Variants in PSMD11 observed in about 807,000 individuals in gnomAD.
PSMD11 encodes 26S proteasome non-ATPase regulatory subunit 11.
PSMD11 carries 5 observed loss-of-function variants against 62.3 expected under a neutral mutation model. The ratio of observed to expected loss-of-function variants is 0.08; its 90% CI spans 0.04 to 0.17. PSMD11 has a LOEUF of 0.17. PSMD11 is among the 10% of genes least tolerant of loss of function. The pLI, the probability that PSMD11 is intolerant of heterozygous loss-of-function variation, is 1.00. For missense variants in PSMD11, 310 were observed against 512.9 expected, an observed-to-expected ratio of 0.60 and a Z score of 3.82; for synonymous variants, 191 against 191.8, an observed-to-expected ratio of 1.00 and a Z score of 0.03.
At chr17:32,478,236 A>T (rs545057714) in intron 9 of PSMD11, among the ~76,000 whole-genome samples, 2 of 152,340 alleles carry the variant, frequency 1.3e-5, no homozygotes, top group African/African-American at 4.8e-5. Flanking sequence ...ACTTAATAAA[A>T]ACAAAACCTA....
At chr17:32,480,027 C>G (rs1597845310) in intron 11 of PSMD11, 119 bp from the exon 12 acceptor site, 2 of 1,475,286 alleles carry the variant, frequency 1.4e-6, no homozygotes, top group East Asian at 4.5e-5. Context: ...GTAGGAGTTG[C>G]ATTGTTGCTA....
chr17:32,474,711 C>G, intron 7 of PSMD11, 53 bp from the exon 8 acceptor site: 1 of 1,572,432 alleles, frequency 6.4e-7, no homozygotes, highest in African/African-American at 1.3e-5. Flanking sequence ...CCCAAACCTT[C>G]CTTTAGAAGC....
At chr17:32,464,491 C>A (rs2302277) in intron 4 of PSMD11, 30 bp from the exon 5 acceptor site, 354 of 1,542,708 alleles carry the variant, frequency 2.3e-4, no homozygotes, top group Non-Finnish European at 2.9e-4. Flanking sequence ...TTTTCCCCCC[C>A]CTTCAATCAA....
intron 6 of PSMD11, among the ~76,000 whole-genome samples, chr17:32,473,283 T>C (rs1430200604): frequency 2.1e-5 from 3 of 143,368 alleles, no homozygotes; most frequent in Non-Finnish European, 3.1e-5. Flanking sequence ...TGCACCTGGC[T>C]TTTTTTTTTT....
intron 6 of PSMD11, among the ~76,000 whole-genome samples, chr17:32,472,348 G>C (rs1342375948): frequency 6.8e-6 from 1 of 147,500 alleles, no homozygotes; most frequent in Non-Finnish European, 1.5e-5. Flanking sequence ...TCAGCCACCT[G>C]AGTAGCTGGG....
chr17:32,453,436 T>G (rs1907562965), intron 2 of PSMD11, among the ~76,000 whole-genome samples: 2 of 152,172 alleles, frequency 1.3e-5, no homozygotes, highest in South Asian at 4.1e-4. Flanking sequence ...TTTTAAACAT[T>G]GGGAATCAAA....
At chr17:32,448,859 A>C (rs1043137630) in intron 2 of PSMD11, among the ~76,000 whole-genome samples, 8 of 152,230 alleles carry the variant, frequency 5.3e-5, no homozygotes, top group African/African-American at 1.9e-4. Flanking sequence ...CTTACTTCAG[A>C]GCCCATATAG....
intron 3 of PSMD11, among the ~76,000 whole-genome samples, chr17:32,459,139 T>G (rs1316231953): frequency 1.4e-5 from 2 of 142,860 alleles, no homozygotes; most frequent in African/African-American, 5.1e-5. Context: ...TATATATATA[T>G]GTATTTTTTT....
intron 5 of PSMD11, among the ~76,000 whole-genome samples, chr17:32,467,696 G>A (rs1908038026): frequency 6.6e-6 from 1 of 152,064 alleles, no homozygotes; most frequent in Admixed American, 6.5e-5. Context: ...ACTGCAGCCT[G>A]GAAATCCTGG....
At chr17:32,477,165 T>A (rs1180186728) in intron 8 of PSMD11, 1 of 208,426 alleles carries the variant, frequency 4.8e-6, no homozygotes, top group Admixed American at 5.6e-5. Flanking sequence ...AGAAGGAGTT[T>A]GGGTGGATGT....
At chr17:32,464,154 T>G in intron 4 of PSMD11, 34 bp downstream of exon 4, 1 of 1,559,820 alleles carries the variant, frequency 6.4e-7, no homozygotes, top group Non-Finnish European at 8.8e-7. Flanking sequence ...TTCAGGTCTC[T>G]AAGCATGAGA....
At chr17:32,460,993 T>G (rs1210168356) in intron 3 of PSMD11, among the ~76,000 whole-genome samples, 2 of 152,134 alleles carry the variant, frequency 1.3e-5, no homozygotes, top group Non-Finnish European at 2.9e-5. Context: ...TGCCAAATAG[T>G]GAACTCAACT....
Position 32,481,192 on chromosome 17 carries a change from AAAAC to A in PSMD11, c.*447_*450del, listed in dbSNP as rs1360003741. The A allele has an allele frequency of 6.5e-6, 1 of 152,976 alleles. No homozygotes were observed. Among genetic ancestry groups the A allele is most frequent in the Admixed American group, 6.5e-5 (1 of 15,342 alleles). The allele number at this position is 152,976 out of a possible 1,614,324, so 9.5% of individuals were successfully genotyped here. A position where few individuals can be genotyped will look rare whatever the true frequency, so the allele number is the denominator to read the frequency against. On this transcript the variant is annotated 3_prime_UTR_variant, in exon 14 of 14. Coordinates refer to ENST00000261712, the MANE Select transcript of PSMD11 (RefSeq NM_002815.4). ...CTTTTTATTCTGTTTGTACTGAACC[AAAAC>A]AAACAACTGTGTATAGACTGCTGTT... is the stretch of plus-strand genomic sequence containing the variant.
intron 5 of PSMD11, 78 bp from the exon 6 acceptor site, chr17:32,468,921 G>A: frequency 7.8e-7 from 1 of 1,276,378 alleles, no homozygotes; most frequent in African/African-American, 1.5e-5. Context: ...AATCCTGAGT[G>A]TTATGAGGGT....
At chr17:32,468,746 G>C (rs1212883328) in intron 5 of PSMD11, among the ~76,000 whole-genome samples, 1 of 152,150 alleles carries the variant, frequency 6.6e-6, no homozygotes, top group Non-Finnish European at 1.5e-5. Flanking sequence ...TTAAATCTTA[G>C]GAGTAAGCTC....
Position 32,468,983 on chromosome 17 carries a change from T to C in PSMD11, c.449-16T>C, listed in dbSNP as rs747484619. The C allele has an allele frequency of 6.2e-7, 1 of 1,610,458 alleles. No individual in the cohort carries two copies. Among genetic ancestry groups the C allele is most frequent in the Non-Finnish European group, 8.5e-7 (1 of 1,177,970 alleles). On this transcript the variant is annotated splice_polypyrimidine_tract_variant and intron_variant, in intron 5 of 13. Transcript: ENST00000261712. ...AAGCTGATGGCTATAAAGGAGAATG[T>C]CTTTTCCTTTTTCAGGTTCTCAGCT... is the stretch of plus-strand genomic sequence containing the variant.
rs1330683895 is a variant in PSMD11 at position 32,483,110 on chromosome 17, A to C, written c.*2358A>C. ...ATGCCCTCTAGACCCGTGCTGTCCAATATGTAGCCGCTAGCCATGTGCAGC... is the reference window on the plus strand; with the variant it reads ...ATGCCCTCTAGACCCGTGCTGTCCACTATGTAGCCGCTAGCCATGTGCAGC... On this transcript the variant is annotated 3_prime_UTR_variant, in exon 14 of 14. Transcript: ENST00000261712. The C allele has an allele frequency of 6.6e-6, 1 of 152,266 alleles. No homozygotes were observed. Among genetic ancestry groups the C allele is most frequent in the South Asian group, 2.1e-4 (1 of 4,820 alleles). The allele number at this position is 152,266 out of a possible 1,614,324, so 9.4% of individuals were successfully genotyped here.
At chr17:32,447,120 G>A in intron 2 of PSMD11, 74 bp downstream of exon 2, 2 of 1,175,102 alleles carry the variant, frequency 1.7e-6, no homozygotes, top group Non-Finnish European at 1.2e-6. Context: ...AAGAATCATG[G>A]GACTGATCCA....
intron 6 of PSMD11, among the ~76,000 whole-genome samples, chr17:32,470,160 G>A (rs192121041): frequency 1.8e-4 from 28 of 151,842 alleles, no homozygotes; most frequent in Non-Finnish European, 3.7e-4. Flanking sequence ...CTACAGGAGC[G>A]CGACACCATG....
Sources: gnomAD v4.1 joint callset for allele counts (sites outside exome capture counted in the v4.1 genomes callset) on GRCh38, gnomAD v4.1.1 for gene constraint, MANE v1.5 for transcripts, NCBI Gene and HGNC (gene_info 2026-07-23, HGNC 2026-07-21) for gene names.